KIFAP3: variants seen among roughly 807,000 people sequenced by gnomAD.
The protein encoded by KIFAP3 is kinesin associated protein 3.
In KIFAP3, 68 loss-of-function variants were observed where a neutral mutation model predicts 106.5. The ratio of observed to expected loss-of-function variants is 0.64; its 90% confidence interval spans 0.53 to 0.78. KIFAP3 has a LOEUF of 0.78. Ranked by LOEUF, KIFAP3 falls within the 30% of genes least tolerant of loss-of-function variation. The probability of loss-of-function intolerance (pLI) is 0.00; values close to 1 mark genes in which losing one functional copy is unlikely to be tolerated. For missense variants in KIFAP3, 780 were observed against 941.8 expected (o/e 0.83, Z 2.25); for synonymous variants, 320 against 311.5 (o/e 1.03, Z -0.29).
intron 17 of KIFAP3, among the ~76,000 whole-genome samples, chr1:169,963,896 C>A (rs552326352): frequency 7.1e-6 from 1 of 140,204 alleles, no homozygotes. Context: ...TAAGAGCTAT[C>A]ATAAACATTA....
rs1044228332 is a variant in KIFAP3 at position 170,008,189 on chromosome 1, C to T, written c.1183+8273G>A. On this transcript the variant is annotated intron_variant, in intron 10 of 19. Coordinates refer to ENST00000361580, the MANE Select transcript of KIFAP3 (RefSeq NM_014970.4). The stretch of plus-strand genomic sequence containing the variant: ...CTCTAGAACAATACCTAGGCAATAC[C>T]GTTCAGGACATAGACATGGGCAAAG... 7.9e-5 allele frequency among the ~76,000 whole-genome samples: 12 copies of T among 151,566 alleles called. 1 individual carries two copies. Among genetic ancestry groups the T allele is most frequent in the African/African-American group, 2.7e-4 (11 of 41,086 alleles).
chr1:170,077,066 A>G (rs1671932402), upstream of KIFAP3, among the ~76,000 whole-genome samples: 1 of 152,156 alleles, frequency 6.6e-6, no homozygotes, highest in Non-Finnish European at 1.5e-5. Flanking sequence ...AGCACTCTGT[A>G]CAAACGCACC....
At position 169,954,080 on chromosome 1, in the gene KIFAP3, C is replaced by T; in HGVS notation, c.2204G>A (p.Ser735Asn). ...GTGGTAATCATTGAAGAAATCGGGA[C>T]TTATGGCTCCTTCAGAGGCAATTAA... ...DGLIASEGAI[S>N]PDFFNDYHLQ... is the part of the protein sequence containing the mutation. Residue 735 changes from serine to asparagine, a missense_variant, in exon 19 of 20, where the codon AGT becomes AAT. Physicochemically the swap from Ser to Asn is conservative, Grantham distance 46. Coordinates refer to ENST00000361580, the MANE Select transcript of KIFAP3 (RefSeq NM_014970.4). 6.2e-7 allele frequency: 1 copy of T among 1,612,538 alleles called. No homozygotes were observed. The highest frequency in any genetic ancestry group is 8.5e-7 in the Non-Finnish European group (1 of 1,178,814).
rs1453197432 is a variant in KIFAP3 at position 170,033,788 on chromosome 1, C to T, written c.742+584G>A. Among the ~76,000 whole-genome samples, 3 of 151,550 alleles carry T rather than the reference C, an allele frequency of 2.0e-5. No homozygotes were observed. In the South Asian group the frequency reaches 6.2e-4, roughly 31 times the overall value. Reference sequence around the variant, plus strand: ...AAACACTGACATTGTTAAAGAGGAGCCTATGTAATAGCATTTGCCAGGGAA... The same window carrying T: ...AAACACTGACATTGTTAAAGAGGAGTCTATGTAATAGCATTTGCCAGGGAA... On this transcript the variant is annotated intron_variant, in intron 7 of 19. Coordinates refer to ENST00000361580, the MANE Select transcript of KIFAP3 (RefSeq NM_014970.4).
In KIFAP3 at chr1:170,046,879, C is replaced by T; in HGVS notation, c.165-13G>A. 1 of 1,553,904 alleles carries T rather than the reference C, an allele frequency of 6.4e-7. No individual in the cohort carries two copies. The highest frequency in any genetic ancestry group is 1.4e-5 in the African/African-American group (1 of 72,822). Reference sequence around the variant, plus strand: ...CTTAAGTCGAATGCTGTAAGTATAACAGAATTTTTCAACTCACGTATTATA... The same window carrying T: ...CTTAAGTCGAATGCTGTAAGTATAATAGAATTTTTCAACTCACGTATTATA... On this transcript the variant is annotated splice_polypyrimidine_tract_variant and intron_variant, in intron 2 of 19. Coordinates refer to ENST00000361580, the MANE Select transcript of KIFAP3 (RefSeq NM_014970.4).
At chr1:170,009,114 G>T (rs1668118933) in intron 10 of KIFAP3, among the ~76,000 whole-genome samples, 1 of 152,066 alleles carries the variant, frequency 6.6e-6, no homozygotes, top group African/African-American at 2.4e-5. Flanking sequence ...GGTGGTGGGG[G>T]GAAGGGGCAG....
At chr1:170,079,629 C>T (rs1205597074), upstream of KIFAP3, among the ~76,000 whole-genome samples, 2 of 152,176 alleles carry the variant, frequency 1.3e-5, no homozygotes, top group Admixed American at 1.3e-4. Flanking sequence ...ATCTATCTGT[C>T]TTTTTCATGC....
At chr1:170,005,601 G>A (rs1361411013) in intron 10 of KIFAP3, among the ~76,000 whole-genome samples, 17 of 149,522 alleles carry the variant, frequency 1.1e-4, no homozygotes, top group African/African-American at 3.7e-4. Flanking sequence ...CCAAACTATC[G>A]CAAGTACAAA....
At chr1:170,075,663 C>A (rs74122312), upstream of KIFAP3, among the ~76,000 whole-genome samples, 2,724 of 152,250 alleles carry the variant, frequency 0.018, 78 homozygotes, top group African/African-American at 0.062. Flanking sequence ...ATCTTCCCAC[C>A]CATTCACACC....
At chr1:169,939,471 A>G (rs1261948320) in intron 19 of KIFAP3, among the ~76,000 whole-genome samples, 1 of 152,212 alleles carries the variant, frequency 6.6e-6, no homozygotes, top group East Asian at 1.9e-4. Flanking sequence ...ATTTTATTAA[A>G]CATTCAATTT....
intron 16 of KIFAP3, among the ~76,000 whole-genome samples, chr1:169,975,077 G>A (rs2101895998): frequency 6.6e-6 from 1 of 151,958 alleles, no homozygotes; most frequent in East Asian, 1.9e-4. Context: ...TGTATTTTCT[G>A]TTTTTTATTG....
At chr1:169,999,986 G>A (rs1571635436) in intron 10 of KIFAP3, among the ~76,000 whole-genome samples, 1 of 151,996 alleles carries the variant, frequency 6.6e-6, no homozygotes, top group Non-Finnish European at 1.5e-5. Context: ...TCTCACAATC[G>A]ATTTTCTGCC....
chr1:170,060,689 G>A (rs1671100530), intron 1 of KIFAP3, among the ~76,000 whole-genome samples: 2 of 152,104 alleles, frequency 1.3e-5, no homozygotes, highest in South Asian at 4.1e-4. Context: ...CCAAAAAACA[G>A]CCCGCATCAC....
upstream of KIFAP3, among the ~76,000 whole-genome samples, chr1:170,078,628 G>A (rs553229890): frequency 9.2e-5 from 14 of 152,224 alleles, no homozygotes; most frequent in South Asian, 2.7e-3. Flanking sequence ...AAGAGAAAAT[G>A]TTAAAGCTCT....
rs138140108 is a variant in KIFAP3 at position 170,070,526 on chromosome 1, C to T, written c.32+3910G>A. ...GGTCATTTAATTTTCAAAAAAATTG[C>T]CCAAACCATTCATGGAGGAAAAGAA... On this transcript the variant is annotated intron_variant, in intron 1 of 19. Coordinates refer to ENST00000361580, the MANE Select transcript of KIFAP3 (RefSeq NM_014970.4). Among the ~76,000 whole-genome samples the T allele has an allele frequency of 1.1e-3, 161 of 152,080 alleles. 1 individual carries two copies. Among genetic ancestry groups the T allele is most frequent in the Middle Eastern group, 6.8e-3 (2 of 294 alleles).
chr1:169,954,524 G>A (rs1453467954), intron 18 of KIFAP3, among the ~76,000 whole-genome samples: 1 of 152,068 alleles, frequency 6.6e-6, no homozygotes, highest in Non-Finnish European at 1.5e-5. Context: ...ATTGGTAAAG[G>A]GTAATACTTT....
At chr1:169,964,923 C>T (rs674896) in intron 17 of KIFAP3, among the ~76,000 whole-genome samples, 141,328 of 152,204 alleles carry the variant, frequency 0.93, 65,660 homozygotes, top group East Asian at 1. Context: ...CAGAAAGATA[C>T]TGTCATATTA....
rs745546692 is a variant in KIFAP3 at position 170,034,431 on chromosome 1, T to C, written c.683A>G (p.Asp228Gly). The C allele has an allele frequency of 1.3e-6, 2 of 1,597,036 alleles. No homozygotes were observed. The highest frequency in any genetic ancestry group is 1.7e-5 in the Admixed American group (1 of 59,122). The change falls in exon 7 of 20, where the codon GAT (aspartate) becomes GGT (glycine). Residue 228 changes from aspartate to glycine, a missense_variant. Physicochemically the swap from Asp to Gly is moderately conservative, Grantham distance 94 (BLOSUM62 -1). Transcript: ENST00000361580. ...AAGCTCATGTCTTTTTAACTCATGA[T>C]CAATAATATTCATACACAGAGCTCC... ...KIGALCMNII[D>G]HELKRHELWQ...
At chr1:170,035,942 T>C (rs537323138) in intron 5 of KIFAP3, among the ~76,000 whole-genome samples, 41 of 151,968 alleles carry the variant, frequency 2.7e-4, no homozygotes, top group African/African-American at 9.2e-4. Flanking sequence ...TTTGATAATA[T>C]GAAAAAAACT....
Sources: allele counts gnomAD v4.1 joint callset (sites outside exome capture counted in the v4.1 genomes callset), GRCh38; gene constraint gnomAD v4.1.1; transcripts MANE v1.5; gene names NCBI Gene and HGNC (gene_info 2026-07-23, HGNC 2026-07-21).